The following KCNIP4 variants were observed in gnomAD, a reference collection of about 807,000 sequenced individuals.
KCNIP4 encodes the protein potassium voltage-gated channel interacting protein 4.
A neutral mutation model predicts 34.0 loss-of-function variants in KCNIP4; 12 were observed. The ratio of observed to expected loss-of-function variants is 0.35; its 90% CI spans 0.23 to 0.57. The LOEUF is 0.57. Among genes scored for constraint, KCNIP4 ranks in the 20% least tolerant of loss-of-function variants. KCNIP4 has a pLI of 0.83. For missense variants in KCNIP4, 238 were observed against 311.7 expected (o/e 0.76, Z 1.78); for synonymous variants, 124 against 102.2 (o/e 1.21, Z -1.29).
intron 2 of KCNIP4, among the ~76,000 whole-genome samples, chr4:20,876,080 C>G (rs578180727): frequency 7.9e-5 from 12 of 152,234 alleles, no homozygotes; most frequent in African/African-American, 2.9e-4. Flanking sequence ...GAATGAAGCT[C>G]TAATTTAGTG....
intron 1 of KCNIP4, among the ~76,000 whole-genome samples, chr4:21,073,671 A>G (rs1283265358): frequency 6.6e-6 from 1 of 152,122 alleles, no homozygotes; most frequent in Non-Finnish European, 1.5e-5. Flanking sequence ...TTCCAACACT[A>G]TGTTGAATAG....
intron 1 of KCNIP4, among the ~76,000 whole-genome samples, chr4:21,027,096 G>A (rs928281934): frequency 2.0e-5 from 3 of 152,212 alleles, no homozygotes; most frequent in Non-Finnish European, 4.4e-5. Context: ...GGATAGATCA[G>A]TTTCTTAAGA....
chr4:21,416,930 A>T (rs138073939), intron 1 of KCNIP4, among the ~76,000 whole-genome samples: 1 of 152,336 alleles, frequency 6.6e-6, no homozygotes, highest in East Asian at 1.9e-4. Context: ...GTAGGGTCAA[A>T]GTCATGCTGA....
chr4:20,887,398 A>G (rs1024592214), intron 1 of KCNIP4, among the ~76,000 whole-genome samples: 6 of 150,574 alleles, frequency 4.0e-5, no homozygotes, highest in African/African-American at 1.5e-4. Context: ...AGAAAACTTA[A>G]AGTATAATAA....
At chr4:21,668,273 G>C (rs546986042) in intron 1 of KCNIP4, among the ~76,000 whole-genome samples, 11 of 152,140 alleles carry the variant, frequency 7.2e-5, no homozygotes, top group African/African-American at 2.7e-4. Context: ...TGGGTCAACA[G>C]GTTCAGCAAA....
At chr4:21,274,943 T>C (rs967086549) in intron 1 of KCNIP4, among the ~76,000 whole-genome samples, 7 of 152,156 alleles carry the variant, frequency 4.6e-5, no homozygotes, top group Admixed American at 3.3e-4. Context: ...AATGTGACAA[T>C]CTAGGTCCAT....
intron 1 of KCNIP4, among the ~76,000 whole-genome samples, chr4:21,834,036 G>T (rs360694): frequency 0.85 from 127,079 of 148,932 alleles, 54,383 homozygotes; most frequent in Admixed American, 0.89. Flanking sequence ...GATGCCTCCA[G>T]CTTTGTTCTT....
intron 1 of KCNIP4, among the ~76,000 whole-genome samples, chr4:21,275,839 C>T (rs991980619): frequency 2.0e-5 from 3 of 152,108 alleles, no homozygotes; most frequent in Admixed American, 6.6e-5. Context: ...CAGTACTTTA[C>T]TATGAGATAG....
chr4:21,732,370 A>G (rs180812235), intron 1 of KCNIP4, among the ~76,000 whole-genome samples: 5 of 152,198 alleles, frequency 3.3e-5, no homozygotes, highest in African/African-American at 1.2e-4. Flanking sequence ...GTGATTGCCC[A>G]TCTCTCCTTA....
chr4:21,478,538 G>T (rs563923399), intron 1 of KCNIP4, among the ~76,000 whole-genome samples: 1 of 152,202 alleles, frequency 6.6e-6, no homozygotes, highest in South Asian at 2.1e-4. Flanking sequence ...TGAAGAAAAC[G>T]TTTTGGCGCT....
intron 1 of KCNIP4, among the ~76,000 whole-genome samples, chr4:21,233,962 CAT>C (rs1346309320): frequency 6.6e-5 from 9 of 135,414 alleles, no homozygotes; most frequent in African/African-American, 1.4e-4. Context: ...ACATATATAA[CAT>C]ATATTATATA....
intron 1 of KCNIP4, among the ~76,000 whole-genome samples, chr4:21,381,898 A>G (rs990984028): frequency 2.6e-5 from 4 of 152,170 alleles, no homozygotes; most frequent in South Asian, 2.1e-4. Context: ...CATATCACCA[A>G]TGGTCTAGCA....
At chr4:21,123,144 G>A (rs555318253) in intron 1 of KCNIP4, among the ~76,000 whole-genome samples, 3 of 152,076 alleles carry the variant, frequency 2.0e-5, no homozygotes, top group Non-Finnish European at 4.4e-5. Flanking sequence ...AACCTGGAAG[G>A]CGGAGTTTGC....
At chr4:20,842,158 G>A (rs935451870) in intron 3 of KCNIP4, among the ~76,000 whole-genome samples, 1 of 152,016 alleles carries the variant, frequency 6.6e-6, no homozygotes, top group African/African-American at 2.4e-5. Context: ...TTTTGTCAGT[G>A]TATCCTAAAT....
At chr4:21,870,267 CA>C (rs1177109866) in intron 1 of KCNIP4, among the ~76,000 whole-genome samples, 2 of 152,240 alleles carry the variant, frequency 1.3e-5, no homozygotes, top group African/African-American at 4.8e-5. Context: ...GAGAAGGGAA[CA>C]AAAGTCTTTT....
chr4:20,810,723 G>A (rs948191997), intron 3 of KCNIP4, among the ~76,000 whole-genome samples: 1 of 152,200 alleles, frequency 6.6e-6, no homozygotes, highest in African/African-American at 2.4e-5. Flanking sequence ...AACCAGCCAT[G>A]AGAATAAGAT....
At chr4:20,894,667 T>C (rs1320919771) in intron 1 of KCNIP4, among the ~76,000 whole-genome samples, 1 of 152,220 alleles carries the variant, frequency 6.6e-6, no homozygotes, top group Non-Finnish European at 1.5e-5. Context: ...GATATCATCA[T>C]ATAATGTTTT....
chr4:21,776,050 G>GA (rs1719154737), intron 1 of KCNIP4, among the ~76,000 whole-genome samples: 1 of 152,198 alleles, frequency 6.6e-6, no homozygotes, highest in Admixed American at 6.5e-5. Flanking sequence ...CTAGGGTTGG[G>GA]ACACTAAGCC....
chr4:21,609,488 A>C (rs997388052), intron 1 of KCNIP4, among the ~76,000 whole-genome samples: 1 of 152,174 alleles, frequency 6.6e-6, no homozygotes, highest in African/African-American at 2.4e-5. Flanking sequence ...CTGTATGTCT[A>C]TTTTTAATCA....
Sources: allele counts gnomAD v4.1 joint callset (sites outside exome capture counted in the v4.1 genomes callset), GRCh38; gene constraint gnomAD v4.1.1; transcripts MANE v1.5; gene names NCBI Gene and HGNC (gene_info 2026-07-23, HGNC 2026-07-21).